The following MEGF11 variants were observed in gnomAD, a reference collection of about 807,000 sequenced individuals.
The protein encoded by MEGF11 is multiple EGF like domains 11, also known as multiple epidermal growth factor-like domains protein 11.
Under a neutral mutation model 146.6 loss-of-function variants are expected in MEGF11, and 126 were observed. The ratio of observed to expected loss-of-function variants is 0.86; its 90% confidence interval spans 0.74 to 1.00. The LOEUF (loss-of-function observed/expected upper bound fraction) is 1.00, where lower values mean the gene tolerates loss of function less well. MEGF11 is among the 50% of genes least tolerant of loss of function. The pLI is 0.00. For synonymous variants in MEGF11, 532 were observed against 583.4 expected (o/e 0.91, Z 1.27); for missense variants, 1,509 against 1,521.2 (o/e 0.99, Z 0.13).
intron 9 of MEGF11, among the ~76,000 whole-genome samples, chr15:65,961,941 G>A (rs2080870760): frequency 6.6e-6 from 1 of 152,220 alleles, no homozygotes; most frequent in Admixed American, 6.5e-5. Context: ...TTCCCCCACT[G>A]GGTTGATGAA....
intron 4 of MEGF11, among the ~76,000 whole-genome samples, chr15:66,096,323 T>A (rs1228788803): frequency 6.6e-6 from 1 of 152,242 alleles, no homozygotes; most frequent in East Asian, 1.9e-4. Flanking sequence ...ACTTGCAACC[T>A]GCCGAGTGTC....
At chr15:65,998,147 T>A (rs1343159300) in intron 5 of MEGF11, among the ~76,000 whole-genome samples, 2 of 152,114 alleles carry the variant, frequency 1.3e-5, no homozygotes, top group African/African-American at 4.8e-5. Context: ...AAGTGCTCCA[T>A]CATGAATTCA....
intron 10 of MEGF11, among the ~76,000 whole-genome samples, chr15:65,942,774 G>A (rs2080045576): frequency 6.6e-6 from 1 of 152,098 alleles, no homozygotes; most frequent in Admixed American, 6.6e-5. Context: ...CAGGGATTCA[G>A]AGCATCTCTT....
At chr15:66,090,647 C>G (rs955008314) in intron 5 of MEGF11, among the ~76,000 whole-genome samples, 2 of 152,196 alleles carry the variant, frequency 1.3e-5, no homozygotes, top group African/African-American at 4.8e-5. Context: ...GCAGGCCCCA[C>G]GAATCTTGGA....
chr15:66,024,320 G>A (rs1412742562), intron 5 of MEGF11, among the ~76,000 whole-genome samples: 2 of 152,252 alleles, frequency 1.3e-5, no homozygotes, highest in African/African-American at 2.4e-5. Context: ...TGGGGCGCCC[G>A]GGGCTGCGCC....
chr15:65,982,205 CAGG>C lies in MEGF11; in HGVS notation c.641+34_641+36del, dbSNP rs1323368836. On this transcript the variant is annotated intron_variant, in intron 6 of 25. Transcript: ENST00000395614. This position sits in a 1 kb window ranked among gnomAD's most constrained non-coding sequence, Gnocchi z 5.6. ...AGGCACCCTCCAGGTCCCGCCCCTC[CAGG>C]TCCCGCCCCTCCAGGTCCTGCCGCA... 3.3e-6 allele frequency: 5 copies of C among 1,532,398 alleles called. No individual in the cohort carries two copies. The African/African-American group carries it at 6.9e-5, about 21-fold the overall frequency. The allele number at this position is 1,532,398 out of a possible 1,614,324, so 94.9% of individuals were successfully genotyped here. A position where few individuals can be genotyped will look rare whatever the true frequency, so the allele number is the denominator to read the frequency against.
intron 5 of MEGF11, among the ~76,000 whole-genome samples, chr15:66,014,527 C>G (rs1377869609): frequency 1.3e-5 from 2 of 152,146 alleles, no homozygotes; most frequent in Non-Finnish European, 2.9e-5. Context: ...TCAGAAAGAC[C>G]ACTTGTAAAA....
intron 1 of MEGF11, among the ~76,000 whole-genome samples, chr15:66,200,628 A>G (rs1169221106): frequency 2.6e-5 from 4 of 152,072 alleles, no homozygotes; most frequent in Non-Finnish European, 5.9e-5. Context: ...GGCTGTGACA[A>G]CAGCAGCCAC....
intron 1 of MEGF11, among the ~76,000 whole-genome samples, chr15:66,131,449 G>C (rs2088643066): frequency 6.6e-6 from 1 of 152,242 alleles, no homozygotes; most frequent in Admixed American, 6.5e-5. Flanking sequence ...GAGTGGGTGG[G>C]ACTTGGACTG....
chr15:66,065,588 G>A (rs1426068760), intron 5 of MEGF11, among the ~76,000 whole-genome samples: 1 of 152,196 alleles, frequency 6.6e-6, no homozygotes, highest in Non-Finnish European at 1.5e-5. Context: ...TTGGGCAGGT[G>A]GGGGTGGGTA....
At chr15:66,025,437 GGGA>G (rs975691431) in intron 5 of MEGF11, among the ~76,000 whole-genome samples, 1 of 152,136 alleles carries the variant, frequency 6.6e-6, no homozygotes, top group African/African-American at 2.4e-5. Flanking sequence ...AAGCTCCAAA[GGGA>G]GGGACTTGAG....
chr15:66,026,411 C>T (rs564295267), intron 5 of MEGF11, among the ~76,000 whole-genome samples: 57 of 152,288 alleles, frequency 3.7e-4, no homozygotes, highest in Non-Finnish European at 6.8e-4. Context: ...TCTCAGGAAA[C>T]GCTTGTGGAA....
At chr15:66,131,274 T>C (rs3887046) in intron 1 of MEGF11, among the ~76,000 whole-genome samples, 32,854 of 152,252 alleles carry the variant, frequency 0.22, 3,675 homozygotes, top group Non-Finnish European at 0.25. Context: ...TGGCCACCCA[T>C]GGGCCATGGC....
intron 20 of MEGF11, among the ~76,000 whole-genome samples, chr15:65,913,126 C>T (rs2078868199): frequency 6.6e-6 from 1 of 152,198 alleles, no homozygotes; most frequent in South Asian, 2.1e-4. Flanking sequence ...GCAGCCCCAT[C>T]TTGACCCCAC....
chr15:66,064,391 C>T (rs149371332), intron 5 of MEGF11, among the ~76,000 whole-genome samples: 15 of 152,214 alleles, frequency 9.9e-5, no homozygotes, highest in African/African-American at 3.6e-4. Flanking sequence ...AAAGAAAACG[C>T]TGTATCAAAC....
At chr15:66,000,968 C>A (rs1257692930) in intron 5 of MEGF11, among the ~76,000 whole-genome samples, 1 of 152,088 alleles carries the variant, frequency 6.6e-6, no homozygotes, top group African/African-American at 2.4e-5. Context: ...GGGAGAACAG[C>A]ATGGGCAAAA....
At chr15:66,124,025 G>A in intron 2 of MEGF11, 25 bp from the exon 3 acceptor site, 1 of 1,563,194 alleles carries the variant, frequency 6.4e-7, no homozygotes, top group South Asian at 1.1e-5. Flanking sequence ...GGAGATAGGA[G>A]CCATGATTAG....
intron 5 of MEGF11, among the ~76,000 whole-genome samples, chr15:66,053,667 T>C: frequency 7.0e-6 from 1 of 142,780 alleles, no homozygotes; most frequent in Non-Finnish European, 1.5e-5. Context: ...ACTAATCCTC[T>C]CCATTCCCAG....
intron 20 of MEGF11, 64 bp from the exon 21 acceptor site, chr15:65,912,264 T>G (rs1438394042): frequency 3.1e-6 from 3 of 978,298 alleles, no homozygotes; most frequent in Non-Finnish European, 4.0e-6. Context: ...ATACCCCCAG[T>G]ACTAATGCTT....
Sources: gnomAD v4.1 joint callset for allele counts (sites outside exome capture counted in the v4.1 genomes callset) on GRCh38, gnomAD v4.1.1 for gene constraint, Gnocchi (gnomAD v3.1) non-coding constraint, MANE v1.5 for transcripts, NCBI Gene and HGNC (gene_info 2026-07-23, HGNC 2026-07-21) for gene names.